The following KAZN variants were observed in gnomAD, a reference collection of about 807,000 sequenced individuals.
KAZN encodes the protein kazrin, periplakin interacting protein, also known as kazrin.
A neutral mutation model predicts 87.4 loss-of-function variants in KAZN; 40 were observed. The observed-to-expected ratio is 0.46, with a 90% CI of 0.36 to 0.60. The LOEUF (loss-of-function observed/expected upper bound fraction) is 0.60. KAZN is among the 20% of genes least tolerant of loss of function. The pLI, the probability that KAZN is intolerant of heterozygous loss-of-function variation, is 0.00. For synonymous variants in KAZN, 466 were observed against 458.3 expected (o/e 1.02, Z -0.22); for missense variants, 898 against 1,073.9 (o/e 0.84, Z 2.29).
chr1:14,364,608 T>G (rs1311983005), intron 2 of KAZN, among the ~76,000 whole-genome samples: 2 of 152,204 alleles, frequency 1.3e-5, no homozygotes, highest in African/African-American at 4.8e-5. Flanking sequence ...AAAAAAAATT[T>G]TATTTGCCTA....
At chr1:14,661,095 AT>A (rs1639142128) in intron 1 of KAZN, among the ~76,000 whole-genome samples, 1 of 152,148 alleles carries the variant, frequency 6.6e-6, no homozygotes, top group African/African-American at 2.4e-5. Context: ...ACTAGATCTC[AT>A]TGAAATGTCA....
At chr1:14,900,952 C>T (rs1655815384) in intron 1 of KAZN, among the ~76,000 whole-genome samples, 2 of 152,152 alleles carry the variant, frequency 1.3e-5, no homozygotes, top group African/African-American at 4.8e-5. Flanking sequence ...TCTGTCCGCA[C>T]ACTTATTTGT....
chr1:14,531,387 A>G (rs1457614416), intron 2 of KAZN, among the ~76,000 whole-genome samples: 4 of 152,200 alleles, frequency 2.6e-5, no homozygotes, highest in Non-Finnish European at 5.9e-5. Context: ...TCTCACTTCT[A>G]TGCAGATTGA....
In KAZN at chr1:14,943,007, G is replaced by GGTGTGTGT. The variant is rs58102946; in HGVS notation, c.227-17640_227-17633dup. 5.4e-4 allele frequency among the ~76,000 whole-genome samples: 54 copies of GGTGTGTGT among 100,860 alleles called. 1 individual carries two copies. Among genetic ancestry groups the GGTGTGTGT allele is most frequent in the African/African-American group, 1.5e-3 (35 of 23,016 alleles). 66.2% of individuals were successfully genotyped at this position (100,860 alleles called of 152,430 possible). A position where few individuals can be genotyped will look rare whatever the true frequency, so the allele number is the denominator to read the frequency against. On this transcript the variant is annotated intron_variant, in intron 1 of 14. Coordinates refer to ENST00000376030, the MANE Select transcript of KAZN (RefSeq NM_201628.3). ...ATGTGAGCTGCGTGTGTGTGTGTGT[G>GGTGTGTGT]GTGTGTGTGTGTGTGTGTGTGTGTG...
intron 1 of KAZN, among the ~76,000 whole-genome samples, chr1:14,730,411 C>T (rs540386777): frequency 1.6e-4 from 24 of 152,234 alleles, no homozygotes; most frequent in East Asian, 3.9e-4. Flanking sequence ...TGATAGTTCA[C>T]GCTTATTCAT....
intron 1 of KAZN, among the ~76,000 whole-genome samples, chr1:14,901,907 C>T (rs561160871): frequency 1.1e-4 from 16 of 152,316 alleles, no homozygotes; most frequent in African/African-American, 3.8e-4. Context: ...ACGAAGCTCT[C>T]AGGAGGTGGT....
At chr1:14,282,657 T>G (rs1652932645) in intron 2 of KAZN, among the ~76,000 whole-genome samples, 1 of 152,178 alleles carries the variant, frequency 6.6e-6, no homozygotes, top group South Asian at 2.1e-4. Flanking sequence ...GAGCTCAGCA[T>G]GGTGTACCTC....
chr1:14,909,168 G>C (rs1213886004), intron 1 of KAZN, among the ~76,000 whole-genome samples: 1 of 152,232 alleles, frequency 6.6e-6, no homozygotes, highest in Non-Finnish European at 1.5e-5. Context: ...TAGAGTTGCA[G>C]TGATAATTAA....
At chr1:14,638,300 G>A (rs767924154) in intron 1 of KAZN, among the ~76,000 whole-genome samples, 1 of 152,194 alleles carries the variant, frequency 6.6e-6, no homozygotes, top group African/African-American at 2.4e-5. Flanking sequence ...GGGGCGTGGT[G>A]ACTCTTGCCT....
chr1:14,266,267 A>C (rs186126503), intron 2 of KAZN, among the ~76,000 whole-genome samples: 4 of 152,360 alleles, frequency 2.6e-5, no homozygotes, highest in Middle Eastern at 6.8e-3. Flanking sequence ...CTGTAAAGAC[A>C]CAGGTTAAAA....
intron 1 of KAZN, among the ~76,000 whole-genome samples, chr1:14,032,548 C>T (rs1641372853): frequency 6.6e-6 from 1 of 152,182 alleles, no homozygotes; most frequent in African/African-American, 2.4e-5. Flanking sequence ...TCTATTGTCT[C>T]TTGCTGAAAT....
At chr1:14,608,531 A>G (rs1677553968) in intron 1 of KAZN, among the ~76,000 whole-genome samples, 1 of 152,364 alleles carries the variant, frequency 6.6e-6, no homozygotes, top group Admixed American at 6.5e-5. Flanking sequence ...GCTGTGATAG[A>G]TTATTAAAAA....
At chr1:14,610,105 T>G (rs1677696877) in intron 1 of KAZN, among the ~76,000 whole-genome samples, 1 of 152,372 alleles carries the variant, frequency 6.6e-6, no homozygotes, top group Admixed American at 6.5e-5. Flanking sequence ...GGGGAATCCA[T>G]TTTTACAAAT....
rs142626397 is a variant in KAZN, at chr1:14,264,612, G to C, written c.249+84020G>C. On this transcript the variant is annotated intron_variant, in intron 2 of 16. Coordinates refer to the KAZN transcript ENST00000636203. Reference sequence around the variant, plus strand: ...CTACCATCTGCCATAGTATGATACAGCAAGAAGGTCCTTACAAGATGCTGG... The same window carrying C: ...CTACCATCTGCCATAGTATGATACACCAAGAAGGTCCTTACAAGATGCTGG... Among the ~76,000 whole-genome samples, 7 of 152,266 alleles carry C rather than the reference G, an allele frequency of 4.6e-5. No individual in the cohort carries two copies. In the East Asian group the frequency reaches 1.4e-3, roughly 29 times the overall value.
chr1:14,744,162 G>C (rs80138237), intron 1 of KAZN, among the ~76,000 whole-genome samples: 5,239 of 152,148 alleles, frequency 0.034, 291 homozygotes, highest in African/African-American at 0.12. Context: ...TCATTAACCT[G>C]GCCATTTGCA....
chr1:14,301,689 A>G (rs1469799929), intron 2 of KAZN, among the ~76,000 whole-genome samples: 22 of 152,332 alleles, frequency 1.4e-4, no homozygotes, highest in African/African-American at 4.1e-4. Flanking sequence ...TCTTCTGATC[A>G]TGACTGCCCC....
intron 1 of KAZN, among the ~76,000 whole-genome samples, chr1:14,128,064 A>G (rs1303419913): frequency 2.0e-5 from 3 of 152,124 alleles, no homozygotes; most frequent in Non-Finnish European, 4.4e-5. Context: ...TGGAGTAGAA[A>G]AGTCCAAGGT....
intron 2 of KAZN, among the ~76,000 whole-genome samples, chr1:14,475,289 C>T (rs1668658985): frequency 6.6e-6 from 1 of 152,180 alleles, no homozygotes; most frequent in Admixed American, 6.5e-5. Flanking sequence ...CCCTTATTAA[C>T]AGAGAAATCT....
At chr1:14,579,879 A>T (rs1192791990) in intron 2 of KAZN, among the ~76,000 whole-genome samples, 1 of 152,056 alleles carries the variant, frequency 6.6e-6, no homozygotes, top group Non-Finnish European at 1.5e-5. Context: ...AATAAGCGGC[A>T]GAGAACCCAG....
Sources: gnomAD v4.1 joint callset for allele counts (sites outside exome capture counted in the v4.1 genomes callset) on GRCh38, gnomAD v4.1.1 for gene constraint, MANE v1.5 for transcripts, NCBI Gene and HGNC (gene_info 2026-07-23, HGNC 2026-07-21) for gene names.